The following GPBP1L1 variants were observed in gnomAD, a reference collection of about 807,000 sequenced individuals.
GPBP1L1 encodes vasculin-like protein 1.
In GPBP1L1, 23 loss-of-function variants were observed where a neutral mutation model predicts 52.5. That is an observed-to-expected ratio of 0.44 (90% CI 0.32 to 0.62). The LOEUF (loss-of-function observed/expected upper bound fraction) is 0.62. GPBP1L1 is among the 20% of genes least tolerant of loss of function. The probability of loss-of-function intolerance (pLI) is 0.06; values close to 1 mark genes in which losing one functional copy is unlikely to be tolerated. For missense variants in GPBP1L1, 596 were observed against 579.3 expected, an observed-to-expected ratio of 1.03 and a Z score of -0.30; for synonymous variants, 243 against 203.1, an observed-to-expected ratio of 1.20 and a Z score of -1.67.
At chr1:45,641,542 G>C (rs1028925832) in intron 7 of GPBP1L1, 1 of 151,986 alleles carries the variant, frequency 6.6e-6, no homozygotes, top group African/African-American at 2.4e-5. Flanking sequence ...TTATGGGCTG[G>C]GTATGGTGGC....
chr1:45,637,463 G>C (rs1644607930), intron 8 of GPBP1L1, among the ~76,000 whole-genome samples: 1 of 145,486 alleles, frequency 6.9e-6, no homozygotes, highest in Non-Finnish European at 1.5e-5. Context: ...TACCACCTCT[G>C]CCAACTGTTA....
At chr1:45,654,491 T>G in intron 6 of GPBP1L1, 52 bp downstream of exon 6, 2 of 1,483,962 alleles carry the variant, frequency 1.3e-6, no homozygotes, top group Non-Finnish European at 1.8e-6. Flanking sequence ...GGTCTCATAT[T>G]TCAGACATTA....
rs1644484321 is a variant in GPBP1L1, at chr1:45,628,332, G to C, written c.1349C>G (p.Thr450Ser). 1 of 1,614,064 alleles carries C rather than the reference G, an allele frequency of 6.2e-7. No individual in the cohort carries two copies. The change falls in exon 13 of 13, where the codon ACT (threonine) becomes AGT (serine). Residue 450 changes from threonine to serine, a missense_variant. By Grantham distance (58) the Thr-to-Ser change is moderately conservative. Transcript: ENST00000355105. ...TGAGTCCTCAAACTCTGCTTTGCAA[G>C]TGCTTCTCCAAGGGGAGAACAGACT... ...SSSLFSPWRSTCKAEFEDSDT... is the reference protein window; with the variant it reads ...SSSLFSPWRSSCKAEFEDSDT...
intron 8 of GPBP1L1, among the ~76,000 whole-genome samples, chr1:45,637,862 T>C (rs918515507): frequency 4.6e-5 from 7 of 152,132 alleles, no homozygotes; most frequent in Non-Finnish European, 1.0e-4. Context: ...TTCATAAAAT[T>C]TTCTCATTTA....
At chr1:45,639,182 G>A (rs974621229) in intron 8 of GPBP1L1, among the ~76,000 whole-genome samples, 1 of 126,142 alleles carries the variant, frequency 7.9e-6, no homozygotes, top group African/African-American at 3.1e-5. Flanking sequence ...AAGGAATTCA[G>A]GAAGGCATGT....
At chr1:45,647,528 C>T (rs774766214) in intron 6 of GPBP1L1, among the ~76,000 whole-genome samples, 7 of 152,216 alleles carry the variant, frequency 4.6e-5, no homozygotes, top group Non-Finnish European at 7.3e-5. Flanking sequence ...CACTTTAAAA[C>T]TTTTCCTTTG....
At chr1:45,686,051 G>GA (rs766906373) in intron 1 of GPBP1L1, among the ~76,000 whole-genome samples, 23 of 152,278 alleles carry the variant, frequency 1.5e-4, no homozygotes, top group African/African-American at 5.3e-4. Flanking sequence ...AAGAAGGAAA[G>GA]AAAAAAACCC....
At chr1:45,634,275 C>A (rs1452444259) in intron 8 of GPBP1L1, 39 bp from the exon 9 acceptor site, 1 of 1,546,404 alleles carries the variant, frequency 6.5e-7, no homozygotes, top group East Asian at 2.3e-5. Flanking sequence ...AGAACAAGCA[C>A]ACAAACAGAA....
In GPBP1L1 at chr1:45,655,251, G is replaced by A. The variant is rs753735940; in HGVS notation, c.129C>T (p.Ser43=). The stretch of plus-strand genomic sequence containing the variant: ...CATCAGAGGAATTATGTCGACGGCG[G>A]CTTACTCCAAATCTACCTTCTCCTC... ...LPRGEGRFGV[S]RRRHNSSDGF... is the part of the protein sequence containing the mutation. The change falls in exon 5 of 13, where the codon AGC becomes AGT. Residue 43 remains serine, a synonymous_variant. Coordinates refer to ENST00000355105, the MANE Select transcript of GPBP1L1 (RefSeq NM_021639.5). 2.5e-6 allele frequency: 4 copies of A among 1,614,122 alleles called. No homozygotes were observed. The South Asian group carries it at 3.3e-5, about 13-fold the overall frequency.
At chr1:45,628,713 G>A (rs1192650475) in intron 12 of GPBP1L1, among the ~76,000 whole-genome samples, 4 of 152,146 alleles carry the variant, frequency 2.6e-5, no homozygotes, top group Non-Finnish European at 2.9e-5. Flanking sequence ...ACCCAGGCTA[G>A]AGTGCAATGG....
intron 2 of GPBP1L1, among the ~76,000 whole-genome samples, chr1:45,663,050 C>CAAAAAAAAAAAAAAAAAAAAAAAAAAA (rs66502921): frequency 8.5e-6 from 1 of 117,236 alleles, no homozygotes; most frequent in Non-Finnish European, 1.7e-5. Flanking sequence ...GACTCTGTCT[C>CAAAAAAAAAAAAAAAAAAAAAAAAAAA]AAAAAAAAAA....
intron 6 of GPBP1L1, among the ~76,000 whole-genome samples, chr1:45,650,371 C>A (rs1293593502): frequency 6.6e-6 from 1 of 152,200 alleles, no homozygotes; most frequent in Non-Finnish European, 1.5e-5. Context: ...CTCTCCCACA[C>A]TTAGTAACAG....
chr1:45,628,210 C>G lies in GPBP1L1; in HGVS notation c.*46G>C. The G allele has an allele frequency of 6.3e-7, 1 of 1,576,328 alleles. No individual in the cohort carries two copies. Among genetic ancestry groups the G allele is most frequent in the South Asian group, 1.1e-5 (1 of 90,100 alleles). ...CGATTTCTTTTGTATACTCCCTAAA[C>G]ACACAGAGTTTACTGGGTCAGATTT... is the stretch of plus-strand genomic sequence containing the variant. On this transcript the variant is annotated 3_prime_UTR_variant, in exon 13 of 13. Transcript: ENST00000355105.
At chr1:45,628,458 G>A (rs1246176445) in intron 12 of GPBP1L1, 50 bp from the exon 13 acceptor site, 4 of 1,567,572 alleles carry the variant, frequency 2.6e-6, no homozygotes, top group South Asian at 1.1e-5. Context: ...ATCAATGACT[G>A]TACTGACCCA....
chr1:45,662,008 AT>A (rs1644952732), intron 2 of GPBP1L1, among the ~76,000 whole-genome samples: 2 of 152,152 alleles, frequency 1.3e-5, no homozygotes, highest in Admixed American at 6.5e-5. Flanking sequence ...TATATTTTAT[AT>A]ATTTATATGG....
chr1:45,686,138 C>T (rs1025088639), intron 1 of GPBP1L1, among the ~76,000 whole-genome samples: 4 of 152,248 alleles, frequency 2.6e-5, no homozygotes, highest in Non-Finnish European at 5.9e-5. Flanking sequence ...AGCGTTCCGA[C>T]CCGACGACCG....
chr1:45,660,507 T>A lies in GPBP1L1; in HGVS notation c.-379A>T, dbSNP rs12402259. The A allele has an allele frequency of 0.042, 40,880 of 983,542 alleles. 932 individuals are homozygous for A. Among genetic ancestry groups the A allele is most frequent in the Middle Eastern group, 0.084 (161 of 1,908 alleles). The allele number at this position is 983,542 out of a possible 1,614,324, so 60.9% of individuals were successfully genotyped here. On this transcript the variant is annotated 5_prime_UTR_variant, in exon 3 of 13. In the 5' UTR this introduces an upstream ATG that the reference lacks. Transcript: ENST00000355105. ...TCTATGTTCACCTCATTCAACTTCC[T>A]TGAGTTATGGCACTATGATGTTGCT...
chr1:45,632,485 A>T (rs1644542688), intron 10 of GPBP1L1, among the ~76,000 whole-genome samples: 1 of 152,186 alleles, frequency 6.6e-6, no homozygotes, highest in African/African-American at 2.4e-5. Context: ...GGAGGCTGAG[A>T]CAGGCAGAAC....
chr1:45,651,566 C>T (rs577569081), intron 6 of GPBP1L1: 17 of 605,670 alleles, frequency 2.8e-5, no homozygotes, highest in African/African-American at 1.9e-4. Context: ...TGTTTGGCAG[C>T]GCAAGGCCTG....
Sources: allele counts gnomAD v4.1 joint callset (sites outside exome capture counted in the v4.1 genomes callset), GRCh38; gene constraint gnomAD v4.1.1; transcripts MANE v1.5; gene names NCBI Gene and HGNC (gene_info 2026-07-23, HGNC 2026-07-21).